Variants in DRC3 observed in about 807,000 individuals in gnomAD.
DRC3 encodes dynein regulatory complex subunit 3, also known as leucine rich repeat containing 48.
Under a neutral mutation model 57.6 loss-of-function variants are expected in DRC3, and 45 were observed. The ratio of observed to expected loss-of-function variants is 0.78; its 90% CI spans 0.62 to 1.00. The LOEUF (loss-of-function observed/expected upper bound fraction) is 1.00. Ranked by LOEUF, DRC3 falls within the 50% of genes least tolerant of loss-of-function variation. DRC3 has a pLI of 0.00. For missense variants in DRC3, 655 were observed against 675.2 expected (o/e 0.97, Z 0.33); for synonymous variants, 257 against 272.3 (o/e 0.94, Z 0.55).
intron 2 of DRC3, among the ~76,000 whole-genome samples, chr17:17,976,877 T>C (rs2042412583): frequency 6.6e-6 from 1 of 152,130 alleles, no homozygotes; most frequent in African/African-American, 2.4e-5. Flanking sequence ...CAGGTTCCCA[T>C]CTCTGCTTTT....
intron 5 of DRC3, among the ~76,000 whole-genome samples, chr17:17,990,693 T>C (rs945675904): frequency 4.6e-5 from 7 of 152,330 alleles, no homozygotes; most frequent in African/African-American, 1.7e-4. Context: ...TGGTTTTATT[T>C]ACTTTTTAAA....
At chr17:18,006,683 C>T (rs1161434143) in intron 11 of DRC3, 1 of 373,282 alleles carries the variant, frequency 2.7e-6, no homozygotes, top group African/African-American at 2.1e-5. Context: ...GCCCTGTGGT[C>T]CTGCCCTCCT....
At chr17:17,999,565 A>G (rs925735225) in intron 9 of DRC3, among the ~76,000 whole-genome samples, 1 of 152,122 alleles carries the variant, frequency 6.6e-6, no homozygotes, top group Non-Finnish European at 1.5e-5. Flanking sequence ...CATCCATTGC[A>G]CACAGTGCAC....
chr17:17,984,323 T>C (rs1244695273), intron 4 of DRC3, among the ~76,000 whole-genome samples: 1 of 152,120 alleles, frequency 6.6e-6, no homozygotes, highest in Non-Finnish European at 1.5e-5. Flanking sequence ...CCAGGAATAA[T>C]CGTCACAGAG....
intron 12 of DRC3, chr17:18,011,737 T>G (rs1270055071): frequency 5.0e-6 from 1 of 201,376 alleles, no homozygotes. Flanking sequence ...GTTCACCAAG[T>G]CTTCCTCTCA....
chr17:17,980,285 GT>G lies in DRC3; in HGVS notation c.160+2538del, dbSNP rs541055069. Among the ~76,000 whole-genome samples, 53 of 145,426 alleles carry G rather than the reference GT, an allele frequency of 3.6e-4. No individual in the cohort carries two copies. In the East Asian group the frequency reaches 6.0e-3, roughly 17 times the overall value. ...TTGTTTGTTTTGTTTTATTGTTGTT[GT>G]TTTTTTTTTTGTAGAGACGGAGTCT... On this transcript the variant is annotated intron_variant, in intron 3 of 13. Transcript: ENST00000399187.
chr17:17,996,106 C>T (rs1035082647), intron 8 of DRC3, among the ~76,000 whole-genome samples: 10 of 152,174 alleles, frequency 6.6e-5, no homozygotes, highest in African/African-American at 1.7e-4. Flanking sequence ...CTGCAACCTC[C>T]GCCTCCTGGG....
At position 17,972,953 on chromosome 17, in the gene DRC3, C is replaced by A. The variant is rs1047515167; in HGVS notation, c.-150C>A. On this transcript the variant is annotated 5_prime_UTR_variant, in exon 1 of 14. Coordinates refer to ENST00000399187, the MANE Select transcript of DRC3 (RefSeq NM_031294.4). ...AGACGCGTCTGCTGCGTGGAACCGC[C>A]GAGTTCCCAGCGCTTGAGAAGGTGA... The A allele has an allele frequency of 7.2e-5, 11 of 152,462 alleles. No individual in the cohort carries two copies. Among genetic ancestry groups the A allele is most frequent in the African/African-American group, 2.7e-4 (11 of 41,430 alleles). The allele number at this position is 152,462 out of a possible 1,614,324, so 9.4% of individuals were successfully genotyped here.
intron 3 of DRC3, among the ~76,000 whole-genome samples, chr17:17,980,063 A>T (rs2042585931): frequency 6.6e-6 from 1 of 152,094 alleles, no homozygotes. Flanking sequence ...GCAGCAATCC[A>T]GCTCTAGGGG....
chr17:17,989,328 A>G (rs2043116026), intron 5 of DRC3, among the ~76,000 whole-genome samples: 1 of 152,122 alleles, frequency 6.6e-6, no homozygotes. Context: ...GCCTCGCCAC[A>G]GTCAGTCAGG....
In DRC3 at chr17:18,016,764, T is replaced by G; in HGVS notation, c.*93T>G. 2.9e-6 allele frequency: 2 copies of G among 694,360 alleles called. No individual in the cohort carries two copies. Among genetic ancestry groups the G allele is most frequent in the Non-Finnish European group, 4.8e-6 (2 of 412,714 alleles). 43.0% of individuals were successfully genotyped at this position (694,360 alleles called of 1,614,324 possible). A position where few individuals can be genotyped will look rare whatever the true frequency, so the allele number is the denominator to read the frequency against. Reference sequence around the variant, plus strand: ...ACGCCTCACCCGCACCTCTAGAGAGTTGCTGGGCATCTCTCAACCGCGATC... The same window carrying G: ...ACGCCTCACCCGCACCTCTAGAGAGGTGCTGGGCATCTCTCAACCGCGATC... On this transcript the variant is annotated 3_prime_UTR_variant, in exon 14 of 14. Transcript: ENST00000399187.
At chr17:18,013,354 T>A (rs2044234554) in intron 12 of DRC3, among the ~76,000 whole-genome samples, 1 of 152,222 alleles carries the variant, frequency 6.6e-6, no homozygotes, top group Admixed American at 6.5e-5. Context: ...CACCCATGTT[T>A]ACTGCAGCAC....
At position 17,973,924 on chromosome 17, in the gene DRC3, A is replaced by G. The variant is rs1313419082; in HGVS notation, c.-56A>G. The stretch of plus-strand genomic sequence containing the variant: ...TGTGTAAAACTCTGCTGCTTTCCCC[A>G]GCTCCAACCTCTCTGGTCTTCAACA... On this transcript the variant is annotated 5_prime_UTR_variant, in exon 2 of 14. Coordinates refer to ENST00000399187, the MANE Select transcript of DRC3 (RefSeq NM_031294.4). 1 of 152,252 alleles carries G rather than the reference A, an allele frequency of 6.6e-6. No homozygotes were observed. The highest frequency in any genetic ancestry group is 1.9e-4 in the East Asian group (1 of 5,204). The allele number at this position is 152,252 out of a possible 1,614,324, so 9.4% of individuals were successfully genotyped here.
chr17:18,006,455 G>A (rs1046474120), intron 11 of DRC3: 2 of 594,836 alleles, frequency 3.4e-6, no homozygotes, highest in African/African-American at 3.7e-5. Context: ...CAGCATGATT[G>A]TTCTCATATG....
intron 3 of DRC3, among the ~76,000 whole-genome samples, chr17:17,983,430 C>T (rs1380678977): frequency 6.6e-6 from 1 of 152,166 alleles, no homozygotes; most frequent in Non-Finnish European, 1.5e-5. Context: ...TGTTTTCATT[C>T]TATTTATCAC....
chr17:18,007,552 C>T, intron 12 of DRC3: 1 of 1,519,910 alleles, frequency 6.6e-7, no homozygotes, highest in Non-Finnish European at 8.9e-7. Context: ...ACCACCATTT[C>T]TGATCCTGCA....
chr17:17,995,103 C>T lies in DRC3; in HGVS notation c.816C>T (p.Leu272=), dbSNP rs1414994135. The change falls in exon 8 of 14, where the codon CTC becomes CTT. Residue 272 remains leucine (L), a synonymous_variant. Transcript: ENST00000399187. The part of the protein sequence containing the change: ...NLSYLPGVGE[L]LETYKDKFVI... ...CCTACCTGCCTGGTGTCGGTGAGCT[C>T]CTTGAGACATATCCTTCTGAGTTCA... 2 of 1,611,890 alleles carry T rather than the reference C, an allele frequency of 1.2e-6. No homozygotes were observed. The highest frequency in any genetic ancestry group is 2.7e-5 in the African/African-American group (2 of 74,880).
intron 2 of DRC3, chr17:17,977,371 C>T (rs1294466195): frequency 3.6e-6 from 2 of 561,222 alleles, no homozygotes; most frequent in Non-Finnish European, 6.3e-6. Flanking sequence ...GGATGAAACC[C>T]TGTGGACAGG....
intron 4 of DRC3, among the ~76,000 whole-genome samples, chr17:17,986,757 C>G (rs2042980786): frequency 6.6e-6 from 1 of 152,098 alleles, no homozygotes; most frequent in Admixed American, 6.5e-5. Flanking sequence ...AGCCACTACG[C>G]CCAGCCCCAA....
Sources: gnomAD v4.1 joint callset for allele counts (sites outside exome capture counted in the v4.1 genomes callset) on GRCh38, gnomAD v4.1.1 for gene constraint, MANE v1.5 for transcripts, NCBI Gene and HGNC (gene_info 2026-07-23, HGNC 2026-07-21) for gene names.